Variants in C3orf85 observed in about 807,000 individuals in gnomAD.
C3orf85 encodes the protein uncharacterized protein C3orf85.
In C3orf85, 1 loss-of-function variant was observed where a neutral mutation model predicts 1.7. The ratio of observed to expected loss-of-function variants is 0.60; its 90% CI spans 0.21 to 2.86. The LOEUF (loss-of-function observed/expected upper bound fraction) is 2.86. Ranked by LOEUF, C3orf85 falls within the 30% of genes most tolerant of loss-of-function variation. The probability of loss-of-function intolerance (pLI) is 0.22; values close to 1 mark genes in which losing one functional copy is unlikely to be tolerated. For missense variants in C3orf85, 29 were observed against 21.3 expected (o/e 1.36, Z -0.72); for synonymous variants, 17 against 8.0 (o/e 2.13, Z -1.90).
intron 2 of C3orf85, among the ~76,000 whole-genome samples, chr3:109,141,972 T>C (rs371871866): frequency 3.6e-4 from 55 of 152,126 alleles, no homozygotes; most frequent in Non-Finnish European, 1.5e-4. Context: ...GAGGTTGCAG[T>C]GAGCCAAGAT....
At chr3:109,147,455 G>T (rs1706812719) in intron 2 of C3orf85, among the ~76,000 whole-genome samples, 1 of 152,186 alleles carries the variant, frequency 6.6e-6, no homozygotes, top group South Asian at 2.1e-4. Context: ...ACAATGAACA[G>T]ATTGTATTGT....
rs1257809767 is a variant in C3orf85 at position 109,136,915 on chromosome 3, T to A, written c.49+19T>A. The A allele has an allele frequency of 4.9e-6, 2 of 411,138 alleles. No homozygotes were observed. The highest frequency in any genetic ancestry group is 8.7e-6 in the Non-Finnish European group (2 of 230,674). The allele number at this position is 411,138 out of a possible 1,614,324, so 25.5% of individuals were successfully genotyped here. A position where few individuals can be genotyped will look rare whatever the true frequency, so the allele number is the denominator to read the frequency against. ...CTTATCGGTAAGAGCCTATTTCTTT[T>A]TTATTTATCATGTCTCCTACAGCCA... On this transcript the variant is annotated intron_variant, in intron 2 of 3. Transcript: ENST00000622536.
intron 2 of C3orf85, among the ~76,000 whole-genome samples, chr3:109,137,294 C>T (rs1385810153): frequency 1.3e-5 from 2 of 151,964 alleles, no homozygotes; most frequent in African/African-American, 4.8e-5. Context: ...ACCTTTAGGG[C>T]AAGCTGTAGC....
In C3orf85 at chr3:109,150,896, A is replaced by C. The variant is rs988945200; in HGVS notation, c.*1002A>C. ...AGTTGATCTTATGTGGTCTTAAAAC[A>C]ATCTTAAGCACTTTTTGAGTGGCAA... On this transcript the variant is annotated 3_prime_UTR_variant, in exon 4 of 4. Transcript: ENST00000622536. Among the ~76,000 whole-genome samples, 1 of 152,202 alleles carries C rather than the reference A, an allele frequency of 6.6e-6. No homozygotes were observed. Among genetic ancestry groups the C allele is most frequent in the African/African-American group, 2.4e-5 (1 of 41,440 alleles).
intron 2 of C3orf85, among the ~76,000 whole-genome samples, chr3:109,142,229 T>A (rs1460155048): frequency 6.6e-6 from 1 of 152,226 alleles, no homozygotes; most frequent in African/African-American, 2.4e-5. Context: ...TGACCATTTA[T>A]ACTTTATTTC....
chr3:109,149,948 A>T lies in C3orf85; in HGVS notation c.*54A>T, dbSNP rs1706850117. ...TGAAGATGGCAGAGGTTGGAATGGC[A>T]TTGTGCCAAAACCATGGGTTTTAGA... On this transcript the variant is annotated 3_prime_UTR_variant, in exon 4 of 4. Coordinates refer to ENST00000622536, the MANE Select transcript of C3orf85 (RefSeq NM_001351622.2). 1 of 397,324 alleles carries T rather than the reference A, an allele frequency of 2.5e-6. No individual in the cohort carries two copies. Among genetic ancestry groups the T allele is most frequent in the Admixed American group, 4.4e-5 (1 of 22,700 alleles). The allele number at this position is 397,324 out of a possible 1,614,324, so 24.6% of individuals were successfully genotyped here.
At chr3:109,140,396 C>G (rs1706731969) in intron 2 of C3orf85, among the ~76,000 whole-genome samples, 1 of 152,222 alleles carries the variant, frequency 6.6e-6, no homozygotes, top group Non-Finnish European at 1.5e-5. Context: ...TACACAGGAA[C>G]AGGAAGGGCC....
intron 2 of C3orf85, among the ~76,000 whole-genome samples, chr3:109,139,839 G>A (rs765710319): frequency 6.6e-6 from 1 of 152,268 alleles, no homozygotes; most frequent in African/African-American, 2.4e-5. Context: ...TCCTCTGGTA[G>A]TTCCACCTCT....
At position 109,150,043 on chromosome 3, in the gene C3orf85, T is replaced by C; in HGVS notation, c.*149T>C. ...TCTGTCTCAAAGTTGTTGAAAACAGTAGTTATGAAAACCCATGTAGGAAAC... is the reference window on the plus strand; with the variant it reads ...TCTGTCTCAAAGTTGTTGAAAACAGCAGTTATGAAAACCCATGTAGGAAAC... On this transcript the variant is annotated 3_prime_UTR_variant, in exon 4 of 4. Coordinates refer to ENST00000622536, the MANE Select transcript of C3orf85 (RefSeq NM_001351622.2). 2.6e-6 allele frequency: 1 copy of C among 386,278 alleles called. No homozygotes were observed. The highest frequency in any genetic ancestry group is 3.7e-5 in the East Asian group (1 of 27,270). The allele number at this position is 386,278 out of a possible 1,614,324, so 23.9% of individuals were successfully genotyped here. A position where few individuals can be genotyped will look rare whatever the true frequency, so the allele number is the denominator to read the frequency against.
At chr3:109,147,637 C>A (rs1430804302) in intron 2 of C3orf85, among the ~76,000 whole-genome samples, 1 of 151,936 alleles carries the variant, frequency 6.6e-6, no homozygotes, top group East Asian at 1.9e-4. Flanking sequence ...TCTTCTTAAT[C>A]CTGGAGTAGG....
At chr3:109,139,862 C>T (rs1440470486) in intron 2 of C3orf85, among the ~76,000 whole-genome samples, 1 of 152,148 alleles carries the variant, frequency 6.6e-6, no homozygotes, top group East Asian at 1.9e-4. Context: ...TTTTTCACTC[C>T]ACAGTTAGTA....
intron 2 of C3orf85, among the ~76,000 whole-genome samples, chr3:109,142,704 T>G (rs1025476065): frequency 8.7e-5 from 11 of 126,856 alleles, no homozygotes; most frequent in Non-Finnish European, 1.6e-4. Context: ...ATGTGCTCTG[T>G]TTTTTTTTTT....
At position 109,150,255 on chromosome 3, in the gene C3orf85, GA is replaced by G. The variant is rs1706854876; in HGVS notation, c.*362del. The G allele has an allele frequency of 2.6e-5, 4 of 155,110 alleles. No individual in the cohort carries two copies. The South Asian group carries it at 6.2e-4, about 24-fold the overall frequency. The allele number at this position is 155,110 out of a possible 1,614,324, so 9.6% of individuals were successfully genotyped here. ...TTTTACTCTCTATTGCCTCTTCTTT[GA>G]GAGAGTTTTTTAATTCAAAGAAGGA... On this transcript the variant is annotated 3_prime_UTR_variant, in exon 4 of 4. Coordinates refer to ENST00000622536, the MANE Select transcript of C3orf85 (RefSeq NM_001351622.2).
chr3:109,143,231 T>C (rs546287815), intron 2 of C3orf85, among the ~76,000 whole-genome samples: 66 of 152,338 alleles, frequency 4.3e-4, no homozygotes, highest in African/African-American at 1.5e-3. Flanking sequence ...TATCTTATTT[T>C]ACCTTAGGCT....
intron 2 of C3orf85, among the ~76,000 whole-genome samples, chr3:109,139,210 C>T (rs547829743): frequency 1.3e-5 from 2 of 152,364 alleles, no homozygotes; most frequent in South Asian, 2.1e-4. Flanking sequence ...TTCTGCTACA[C>T]AAACTCTCCC....
intron 2 of C3orf85, chr3:109,146,423 A>G (rs1289308905): frequency 1.3e-5 from 2 of 152,218 alleles, no homozygotes; most frequent in African/African-American, 4.8e-5. Context: ...AGCTTAAAAC[A>G]ACTAACATAT....
chr3:109,138,876 T>G (rs1706708469), intron 2 of C3orf85, among the ~76,000 whole-genome samples: 1 of 152,170 alleles, frequency 6.6e-6, no homozygotes, highest in African/African-American at 2.4e-5. Flanking sequence ...TCTTGAACAT[T>G]TAGGTCAAGA....
chr3:109,139,628 T>C (rs1428218438), intron 2 of C3orf85, among the ~76,000 whole-genome samples: 2 of 152,240 alleles, frequency 1.3e-5, no homozygotes, highest in African/African-American at 4.8e-5. Flanking sequence ...TTCATTCTTC[T>C]GCTAAAATGA....
At chr3:109,138,020 T>G (rs368987874) in intron 2 of C3orf85, among the ~76,000 whole-genome samples, 1 of 152,134 alleles carries the variant, frequency 6.6e-6, no homozygotes, top group African/African-American at 2.4e-5. Context: ...GCTAAAGCAA[T>G]GCTGGCTGGT....
Sources: allele counts gnomAD v4.1 joint callset (sites outside exome capture counted in the v4.1 genomes callset), GRCh38; gene constraint gnomAD v4.1.1; transcripts MANE v1.5; gene names NCBI Gene and HGNC (gene_info 2026-07-23, HGNC 2026-07-21).